Variants in ZFYVE28 observed in about 807,000 individuals in gnomAD.
The protein encoded by ZFYVE28 is lateral signaling target protein 2 homolog.
A neutral mutation model predicts 82.1 loss-of-function variants in ZFYVE28; 40 were observed. The ratio of observed to expected loss-of-function variants is 0.49; its 90% CI spans 0.38 to 0.63. The LOEUF is 0.63. ZFYVE28 is among the 30% of genes least tolerant of loss of function. The probability of loss-of-function intolerance (pLI) is 0.00; values close to 1 mark genes in which losing one functional copy is unlikely to be tolerated. For synonymous variants in ZFYVE28, 612 were observed against 546.1 expected (o/e 1.12, Z -1.68); for missense variants, 1,321 against 1,242.1 (o/e 1.06, Z -0.96).
intron 2 of ZFYVE28, among the ~76,000 whole-genome samples, chr4:2,349,821 A>T (rs1724096404): frequency 6.6e-6 from 1 of 152,184 alleles, no homozygotes; most frequent in South Asian, 2.1e-4. Flanking sequence ...AAAATCTAAC[A>T]TCTATTCCTA....
chr4:2,314,110 T>A (rs1224106290), intron 7 of ZFYVE28, among the ~76,000 whole-genome samples: 2 of 152,252 alleles, frequency 1.3e-5, no homozygotes, highest in Non-Finnish European at 2.9e-5. Flanking sequence ...AGATTTGGGA[T>A]TGTGACATCT....
At chr4:2,412,086 A>G (rs1000850032) in intron 1 of ZFYVE28, among the ~76,000 whole-genome samples, 2 of 152,150 alleles carry the variant, frequency 1.3e-5, no homozygotes, top group Non-Finnish European at 2.9e-5. Context: ...CTTCATCCTC[A>G]GGGGGACCTG....
At chr4:2,318,321 G>A (rs1578062075) in intron 7 of ZFYVE28, among the ~76,000 whole-genome samples, 1 of 152,298 alleles carries the variant, frequency 6.6e-6, no homozygotes, top group South Asian at 2.1e-4. Flanking sequence ...ACTTTGGGAG[G>A]CCGAGGCGGG....
chr4:2,388,288 T>C (rs1195868582), intron 1 of ZFYVE28, among the ~76,000 whole-genome samples: 1 of 152,204 alleles, frequency 6.6e-6, no homozygotes, highest in African/African-American at 2.4e-5. Context: ...TCTCACAATG[T>C]CAATTTCCCA....
In ZFYVE28 at chr4:2,360,404, C is replaced by CCGTGTGTTG. The variant is rs1300583735; in HGVS notation, c.40-6332_40-6331insCAACACACG. On this transcript the variant is annotated intron_variant, in intron 1 of 12. Transcript: ENST00000290974. ...AGAGCTGTAATCACACACACACACACACACACACACACACACACACACAGG... is the reference window on the plus strand; with the variant it reads ...AGAGCTGTAATCACACACACACACACCGTGTGTTGACACACACACACACACACACACAGG... 9.3e-4 allele frequency among the ~76,000 whole-genome samples: 141 copies of CCGTGTGTTG among 151,648 alleles called. 2 individuals carry two copies. Among genetic ancestry groups the CCGTGTGTTG allele is most frequent in the Middle Eastern group, 3.4e-3 (1 of 294 alleles).
chr4:2,346,859 A>C (rs183453389), intron 2 of ZFYVE28, among the ~76,000 whole-genome samples: 2 of 152,186 alleles, frequency 1.3e-5, no homozygotes, highest in African/African-American at 4.8e-5. Flanking sequence ...AGAAGGAAAA[A>C]AAGAGGAATG....
chr4:2,369,839 T>TTTTATTTTATTTTATTTA (rs561534155), intron 1 of ZFYVE28, among the ~76,000 whole-genome samples: 73,661 of 138,814 alleles, frequency 0.53, 19,980 homozygotes, highest in East Asian at 0.65. Context: ...AGGGATTTTT[T>TTTTATTTTATTTTATTTA]TTTTTCTTTT....
At chr4:2,301,697 C>T (rs948459269) in intron 8 of ZFYVE28, among the ~76,000 whole-genome samples, 4 of 152,118 alleles carry the variant, frequency 2.6e-5, no homozygotes, top group African/African-American at 9.7e-5. Context: ...TGTGCAGGCC[C>T]CAAACCAAAA....
intron 1 of ZFYVE28, among the ~76,000 whole-genome samples, chr4:2,396,839 G>C (rs1259034697): frequency 6.6e-6 from 1 of 152,232 alleles, no homozygotes; most frequent in African/African-American, 2.4e-5. Context: ...GCGGACAGCT[G>C]GGGGAGGGTA....
chr4:2,378,332 C>G (rs12509503), intron 1 of ZFYVE28, among the ~76,000 whole-genome samples: 1 of 152,048 alleles, frequency 6.6e-6, no homozygotes, highest in Non-Finnish European at 1.5e-5. Context: ...CGGAGCAAGA[C>G]CCTGTCTCAA....
intron 5 of ZFYVE28, among the ~76,000 whole-genome samples, chr4:2,337,088 A>G (rs1446783305): frequency 6.7e-6 from 1 of 148,524 alleles, no homozygotes; most frequent in Non-Finnish European, 1.5e-5. Flanking sequence ...TGGACGTCCA[A>G]TCCATCATGC....
At chr4:2,334,314 C>T (rs1721219989) in intron 6 of ZFYVE28, among the ~76,000 whole-genome samples, 1 of 152,032 alleles carries the variant, frequency 6.6e-6, no homozygotes, top group Non-Finnish European at 1.5e-5. Context: ...CGGCCTGGCC[C>T]AGGGGTGTCC....
chr4:2,414,360 G>A (rs554565618), intron 1 of ZFYVE28, among the ~76,000 whole-genome samples: 1 of 152,364 alleles, frequency 6.6e-6, no homozygotes, highest in South Asian at 2.1e-4. Context: ...CACCCAGCAA[G>A]TCACTCAGGC....
Position 2,304,564 on chromosome 4 carries a change from A to G in ZFYVE28, c.1776T>C (p.Gly592=). 1 of 1,612,702 alleles carries G rather than the reference A, an allele frequency of 6.2e-7. No individual in the cohort carries two copies. Residue 592 remains glycine, a synonymous_variant, in exon 8 of 13, where the codon GGT becomes GGC. Transcript: ENST00000290974. ...REKCSPGGVI[G]ASYAAGLAKA... ...TGGCTAAGCCGGCAGCGTACGAGGC[A>G]CCAATGACGCCTCCCGGGCTGCACT...
At chr4:2,317,323 T>C (rs978404230) in intron 7 of ZFYVE28, among the ~76,000 whole-genome samples, 5 of 152,206 alleles carry the variant, frequency 3.3e-5, no homozygotes, top group African/African-American at 1.2e-4. Flanking sequence ...ATGACAGACA[T>C]TGGATATAAA....
At chr4:2,344,030 G>A (rs1325977177) in intron 2 of ZFYVE28, among the ~76,000 whole-genome samples, 2 of 152,166 alleles carry the variant, frequency 1.3e-5, no homozygotes, top group Admixed American at 1.3e-4. Flanking sequence ...CTGGACATCA[G>A]GCCACAAAGG....
At chr4:2,281,377 C>G (rs912362844) in intron 8 of ZFYVE28, among the ~76,000 whole-genome samples, 6 of 152,042 alleles carry the variant, frequency 3.9e-5, no homozygotes, top group Non-Finnish European at 7.3e-5. Context: ...CAGAGTACCA[C>G]AGTCTAGGTA....
At chr4:2,357,335 G>A (rs1008106454) in intron 1 of ZFYVE28, among the ~76,000 whole-genome samples, 2 of 152,200 alleles carry the variant, frequency 1.3e-5, no homozygotes, top group Non-Finnish European at 2.9e-5. Flanking sequence ...CGCTCCCAAG[G>A]AAGAGGGGAA....
chr4:2,370,200 T>C (rs1387310829), intron 1 of ZFYVE28, among the ~76,000 whole-genome samples: 1 of 151,998 alleles, frequency 6.6e-6, no homozygotes, highest in Non-Finnish European at 1.5e-5. Flanking sequence ...ACAGCAGCCA[T>C]ACAGAATGAA....
Sources: allele counts gnomAD v4.1 joint callset (sites outside exome capture counted in the v4.1 genomes callset), GRCh38; gene constraint gnomAD v4.1.1; transcripts MANE v1.5; gene names NCBI Gene and HGNC (gene_info 2026-07-23, HGNC 2026-07-21).